Variants in ZDHHC21 observed in about 807,000 individuals in gnomAD.
ZDHHC21 encodes zDHHC palmitoyltransferase 21.
A neutral mutation model predicts 34.6 loss-of-function variants in ZDHHC21; 15 were observed. The ratio of observed to expected loss-of-function variants is 0.43; its 90% CI spans 0.29 to 0.67. The LOEUF is 0.67. Among genes scored for constraint, ZDHHC21 ranks in the 30% least tolerant of loss-of-function variants. The pLI is 0.14. For missense variants in ZDHHC21, 344 were observed against 327.7 expected (o/e 1.05, Z -0.38); for synonymous variants, 142 against 101.8 (o/e 1.40, Z -2.38).
intron 5 of ZDHHC21, among the ~76,000 whole-genome samples, chr9:14,664,465 T>C (rs1348725862): frequency 1.3e-5 from 2 of 151,650 alleles, no homozygotes; most frequent in African/African-American, 4.8e-5. Flanking sequence ...CTTGCTTAGG[T>C]AGACAAAGCA....
intron 9 of ZDHHC21, 115 bp downstream of exon 9, chr9:14,619,524 T>C (rs1824892421): frequency 2.3e-6 from 2 of 884,310 alleles, no homozygotes; most frequent in African/African-American, 3.5e-5. Context: ...CCTCAGACAA[T>C]GCACCAAGAA....
At chr9:14,679,270 T>C (rs1218719266) in intron 3 of ZDHHC21, among the ~76,000 whole-genome samples, 1 of 152,180 alleles carries the variant, frequency 6.6e-6, no homozygotes, top group East Asian at 1.9e-4. Context: ...AATAACATAG[T>C]GGACAGAAAG....
intron 2 of ZDHHC21, chr9:14,683,847 C>T (rs375094625): frequency 3.9e-5 from 6 of 152,124 alleles, no homozygotes; most frequent in East Asian, 1.9e-4. Context: ...AAAAAGCTTA[C>T]CCACCATGAT....
rs780683329 is a variant in ZDHHC21, at chr9:14,611,323, A to G, written c.*7643T>C. 1.1e-4 allele frequency: 16 copies of G among 151,948 alleles called. No homozygotes were observed. The highest frequency in any genetic ancestry group is 2.1e-4 in the Non-Finnish European group (14 of 67,894). 9.4% of individuals were successfully genotyped at this position (151,948 alleles called of 1,614,324 possible). A position where few individuals can be genotyped will look rare whatever the true frequency, so the allele number is the denominator to read the frequency against. ...ATCTAAACAAATACATCTCAGCTAC[A>G]TGGTTCCCACTTGTCATTTCACCCA... On this transcript the variant is annotated 3_prime_UTR_variant, in exon 10 of 10. Transcript: ENST00000380916.
In ZDHHC21 at chr9:14,650,837, C is replaced by T. The variant is rs114113302; in HGVS notation, c.504+7912G>A. On this transcript the variant is annotated intron_variant, in intron 7 of 9. Transcript: ENST00000380916. ...TTTATTTTCCTCTTCTGAATTTTGG[C>T]AGCATTTCCTTTATTGAAATTCTCT... is the stretch of plus-strand genomic sequence containing the variant. Among the ~76,000 whole-genome samples, 1,313 of 152,046 alleles carry T rather than the reference C, an allele frequency of 8.6e-3. 14 individuals are homozygous for T. Among genetic ancestry groups the T allele is most frequent in the African/African-American group, 0.029 (1,202 of 41,524 alleles).
the ZDHHC21 span, chr9:14,594,156 G>C: frequency 3.3e-4 from 51 of 152,294 alleles, no homozygotes; most frequent in African/African-American, 1.2e-3. Flanking sequence ...TTCAGATGTA[G>C]ATAGTTCCTA....
In ZDHHC21 at chr9:14,614,973, C is replaced by A. The variant is rs1344695233; in HGVS notation, c.*3993G>T. 1 of 151,596 alleles carries A rather than the reference C, an allele frequency of 6.6e-6. No individual in the cohort carries two copies. The highest frequency in any genetic ancestry group is 2.4e-5 in the African/African-American group (1 of 41,378). 9.4% of individuals were successfully genotyped at this position (151,596 alleles called of 1,614,324 possible). A position where few individuals can be genotyped will look rare whatever the true frequency, so the allele number is the denominator to read the frequency against. The stretch of plus-strand genomic sequence containing the variant: ...ACTTGAGCTAAGTAATCTATTGATA[C>A]AGGAAGCGCAAGAGAAGCAGAGACT... On this transcript the variant is annotated 3_prime_UTR_variant, in exon 10 of 10. Coordinates refer to ENST00000380916, the MANE Select transcript of ZDHHC21 (RefSeq NM_178566.6).
chr9:14,593,574 C>T, the ZDHHC21 span: 1 of 152,296 alleles, frequency 6.6e-6, no homozygotes, highest in African/African-American at 2.4e-5. Context: ...TGACACATGA[C>T]ACAATGTTTG....
At chr9:14,683,195 C>G (rs752790566) in intron 2 of ZDHHC21, among the ~76,000 whole-genome samples, 26 of 152,034 alleles carry the variant, frequency 1.7e-4, no homozygotes, top group Non-Finnish European at 3.1e-4. Flanking sequence ...CAAAGCAGAA[C>G]TGAAGGAGAT....
chr9:14,597,690 C>T, the ZDHHC21 span, among the ~76,000 whole-genome samples: 3 of 152,122 alleles, frequency 2.0e-5, no homozygotes, highest in African/African-American at 7.2e-5. Context: ...CTGCTGCCTC[C>T]ATCCAAGTGC....
At position 14,619,044 on chromosome 9, in the gene ZDHHC21, A is replaced by T. The variant is rs747294488; in HGVS notation, c.720T>A (p.Arg240=). ...QQTFSEVFGT[R]WKILWFIPFR... is the part of the protein sequence containing the mutation. The stretch of plus-strand genomic sequence containing the variant: ...AAGGAATGAACCACAGGATCTTCCA[A>T]CGAGTGCCAAAAACTTCTGAGAAGG... Residue 240 remains arginine (R), a synonymous_variant, in exon 10 of 10, where the codon CGT becomes CGA. Coordinates refer to ENST00000380916, the MANE Select transcript of ZDHHC21 (RefSeq NM_178566.6). 1.7e-5 allele frequency: 28 copies of T among 1,612,340 alleles called. No homozygotes were observed. The highest frequency in any genetic ancestry group is 2.1e-5 in the Non-Finnish European group (25 of 1,179,130).
intron 7 of ZDHHC21, among the ~76,000 whole-genome samples, chr9:14,646,326 A>G (rs570461491): frequency 1.3e-4 from 20 of 152,312 alleles, no homozygotes; most frequent in African/African-American, 3.8e-4. Context: ...ACTCCTTCAT[A>G]TGTGTATCAC....
rs1215536447 is a variant in ZDHHC21, at chr9:14,617,652, AG to A, written c.*1313del. 1 of 151,990 alleles carries A rather than the reference AG, an allele frequency of 6.6e-6. No individual in the cohort carries two copies. The highest frequency in any genetic ancestry group is 1.5e-5 in the Non-Finnish European group (1 of 67,926). The allele number at this position is 151,990 out of a possible 1,614,324, so 9.4% of individuals were successfully genotyped here. A position where few individuals can be genotyped will look rare whatever the true frequency, so the allele number is the denominator to read the frequency against. Reference sequence around the variant, plus strand: ...AGTATTCTAATGGAAAAAAACTAAAAGCTGAGTTTTTTTCAAAGCATACTAA... The same window carrying A: ...AGTATTCTAATGGAAAAAAACTAAAACTGAGTTTTTTTCAAAGCATACTAA... On this transcript the variant is annotated 3_prime_UTR_variant, in exon 10 of 10. Coordinates refer to ENST00000380916, the MANE Select transcript of ZDHHC21 (RefSeq NM_178566.6).
At position 14,611,936 on chromosome 9, in the gene ZDHHC21, G is replaced by T. The variant is rs559617326; in HGVS notation, c.*7030C>A. 2.0e-5 allele frequency: 3 copies of T among 152,004 alleles called. No homozygotes were observed. The highest frequency in any genetic ancestry group is 7.2e-5 in the African/African-American group (3 of 41,410). 9.4% of individuals were successfully genotyped at this position (152,004 alleles called of 1,614,324 possible). A position where few individuals can be genotyped will look rare whatever the true frequency, so the allele number is the denominator to read the frequency against. On this transcript the variant is annotated 3_prime_UTR_variant, in exon 10 of 10. Transcript: ENST00000380916. Reference sequence around the variant, plus strand: ...TTTATATGTTCATCTCTGGGAGACAGTGAATAGTGGTGAATTCTCTACTAC... The same window carrying T: ...TTTATATGTTCATCTCTGGGAGACATTGAATAGTGGTGAATTCTCTACTAC...
At chr9:14,647,935 T>C (rs962139912) in intron 7 of ZDHHC21, among the ~76,000 whole-genome samples, 2 of 152,118 alleles carry the variant, frequency 1.3e-5, no homozygotes, top group Non-Finnish European at 2.9e-5. Flanking sequence ...CCCATTGAAA[T>C]CCAGATTTTT....
chr9:14,623,094 T>C (rs1380644856), intron 8 of ZDHHC21, among the ~76,000 whole-genome samples: 1 of 150,518 alleles, frequency 6.6e-6, no homozygotes, highest in East Asian at 2.0e-4. Context: ...ATAGAGGAAA[T>C]GCTTTAGGAC....
chr9:14,673,251 G>A (rs9298704), intron 4 of ZDHHC21, among the ~76,000 whole-genome samples: 142,253 of 151,932 alleles, frequency 0.94, 66,659 homozygotes, highest in Non-Finnish European at 0.96. Context: ...TTTAATTACT[G>A]CATGTTCTAT....
rs1313287234 is a variant in ZDHHC21, at chr9:14,611,568, G to A, written c.*7398C>T. 1 of 151,952 alleles carries A rather than the reference G, an allele frequency of 6.6e-6. No individual in the cohort carries two copies. Among genetic ancestry groups the A allele is most frequent in the African/African-American group, 2.4e-5 (1 of 41,410 alleles). 9.4% of individuals were successfully genotyped at this position (151,952 alleles called of 1,614,324 possible). ...AAATTTAAAAACAGGATCTTCTTAT[G>A]CCACTTGTAACATACCACTATTAAA... On this transcript the variant is annotated 3_prime_UTR_variant, in exon 10 of 10. Transcript: ENST00000380916.
chr9:14,625,934 A>G (rs953297972), intron 8 of ZDHHC21, among the ~76,000 whole-genome samples: 6 of 151,926 alleles, frequency 3.9e-5, no homozygotes, highest in Admixed American at 2.6e-4. Flanking sequence ...GGAACTTACA[A>G]TCTAGTAAAA....
Sources: gnomAD v4.1 joint callset for allele counts (sites outside exome capture counted in the v4.1 genomes callset) on GRCh38, gnomAD v4.1.1 for gene constraint, MANE v1.5 for transcripts, NCBI Gene and HGNC (gene_info 2026-07-23, HGNC 2026-07-21) for gene names.